ST6GALNAC3: variants seen among roughly 807,000 people sequenced by gnomAD.
ST6GALNAC3 encodes the protein ST6 N-acetylgalactosaminide alpha-2,6-sialyltransferase 3.
Under a neutral mutation model 32.7 loss-of-function variants are expected in ST6GALNAC3, and 25 were observed. The ratio of observed to expected loss-of-function variants is 0.76; its 90% confidence interval spans 0.56 to 1.07. The LOEUF is 1.07. ST6GALNAC3 is among the 50% of genes least tolerant of loss of function. ST6GALNAC3 has a pLI of 0.00. For synonymous variants in ST6GALNAC3, 129 were observed against 133.1 expected, an observed-to-expected ratio of 0.97 and a Z score of 0.21; for missense variants, 355 against 382.4, an observed-to-expected ratio of 0.93 and a Z score of 0.60.
intron 3 of ST6GALNAC3, among the ~76,000 whole-genome samples, chr1:76,565,157 G>C (rs925964631): frequency 6.6e-6 from 1 of 152,084 alleles, no homozygotes; most frequent in African/African-American, 2.4e-5. Context: ...GGCTCCCATT[G>C]GGTCAGCATT....
intron 3 of ST6GALNAC3, among the ~76,000 whole-genome samples, chr1:76,485,678 T>A (rs561361154): frequency 2.0e-5 from 3 of 152,246 alleles, no homozygotes; most frequent in Non-Finnish European, 4.4e-5. Context: ...AACTAGCTCC[T>A]GGATTCATTG....
chr1:76,099,600 C>A (rs1284585766), intron 1 of ST6GALNAC3, among the ~76,000 whole-genome samples: 1 of 152,112 alleles, frequency 6.6e-6, no homozygotes, highest in African/African-American at 2.4e-5. Flanking sequence ...GTGATTCTAT[C>A]TATATGACGT....
intron 1 of ST6GALNAC3, among the ~76,000 whole-genome samples, chr1:76,160,660 C>T (rs1651748378): frequency 6.6e-6 from 1 of 152,128 alleles, no homozygotes; most frequent in Non-Finnish European, 1.5e-5. Flanking sequence ...GGGCTTGCAC[C>T]AGAATATAAA....
At chr1:76,601,833 A>T (rs369408605) in intron 3 of ST6GALNAC3, among the ~76,000 whole-genome samples, 1 of 152,218 alleles carries the variant, frequency 6.6e-6, no homozygotes, top group Non-Finnish European at 1.5e-5. Context: ...AGTGCTGAAC[A>T]TGACCAGTTG....
intron 3 of ST6GALNAC3, among the ~76,000 whole-genome samples, chr1:76,511,650 A>G (rs1661870027): frequency 6.6e-6 from 1 of 152,182 alleles, no homozygotes; most frequent in African/African-American, 2.4e-5. Flanking sequence ...TGTTTGTTAA[A>G]TTCAGCTAAA....
Position 76,412,294 on chromosome 1 carries a change from G to A in ST6GALNAC3, c.500G>A (p.Gly167Asp). ...CGCAATATGAGGAAAGATGGCAATG[G>A]CATCGTTTACAACATGTTGAAAAAG... ...PFRNMRKDGN[G>D]IVYNMLKKTV... is the part of the protein sequence containing the mutation. Residue 167 changes from glycine (G) to aspartate (D), a missense_variant, in exon 3 of 5, where the codon GGC becomes GAC. Gly to Asp is a moderately conservative substitution (Grantham distance 94, BLOSUM62 -1). Transcript: ENST00000328299. 1.2e-6 allele frequency: 2 copies of A among 1,613,498 alleles called. No homozygotes were observed. Among genetic ancestry groups the A allele is most frequent in the Non-Finnish European group, 1.7e-6 (2 of 1,179,766 alleles).
chr1:76,315,403 C>T (rs1017226599), intron 2 of ST6GALNAC3, among the ~76,000 whole-genome samples: 14 of 151,996 alleles, frequency 9.2e-5, no homozygotes, highest in African/African-American at 2.7e-4. Flanking sequence ...TGGGAAATCC[C>T]GTCAAATATC....
intron 3 of ST6GALNAC3, among the ~76,000 whole-genome samples, chr1:76,599,746 G>A (rs916273006): frequency 2.0e-5 from 3 of 151,652 alleles, no homozygotes; most frequent in South Asian, 4.2e-4. Flanking sequence ...GTGTGTGTGT[G>A]TGTGTGTGTG....
At position 76,588,119 on chromosome 1, in the gene ST6GALNAC3, C is replaced by T. The variant is rs185693977; in HGVS notation, c.624-39333C>T. Among the ~76,000 whole-genome samples the T allele has an allele frequency of 2.6e-5, 4 of 152,290 alleles. No homozygotes were observed. The East Asian group carries it at 5.8e-4, about 22-fold the overall frequency. On this transcript the variant is annotated intron_variant, in intron 3 of 4. Transcript: ENST00000328299. Reference sequence around the variant, plus strand: ...AGCCTAGATCCCATTCCTCTTTGTACTGCATATTCCCCTAAAGACATCCTA... The same window carrying T: ...AGCCTAGATCCCATTCCTCTTTGTATTGCATATTCCCCTAAAGACATCCTA...
At chr1:76,506,612 T>G (rs1317043369) in intron 3 of ST6GALNAC3, among the ~76,000 whole-genome samples, 1 of 152,226 alleles carries the variant, frequency 6.6e-6, no homozygotes, top group East Asian at 1.9e-4. Context: ...ATCGACATGC[T>G]TTTCTTTCCA....
At chr1:76,358,074 A>G (rs919908672) in intron 2 of ST6GALNAC3, among the ~76,000 whole-genome samples, 9 of 151,830 alleles carry the variant, frequency 5.9e-5, no homozygotes, top group Admixed American at 3.3e-4. Flanking sequence ...TTAAAAAACC[A>G]TTTTCTCCCC....
intron 2 of ST6GALNAC3, among the ~76,000 whole-genome samples, chr1:76,336,304 G>A (rs1003451532): frequency 5.3e-5 from 8 of 152,178 alleles, no homozygotes; most frequent in Non-Finnish European, 1.0e-4. Context: ...TCTTAGTATT[G>A]TATAGATTTG....
intron 3 of ST6GALNAC3, among the ~76,000 whole-genome samples, chr1:76,542,290 G>GT (rs1664039049): frequency 6.6e-6 from 1 of 152,122 alleles, no homozygotes; most frequent in African/African-American, 2.4e-5. Context: ...AGGGGTACTA[G>GT]TTTTAGAGTC....
chr1:76,425,806 T>A (rs948204636), intron 3 of ST6GALNAC3, among the ~76,000 whole-genome samples: 1 of 151,806 alleles, frequency 6.6e-6, no homozygotes, highest in Non-Finnish European at 1.5e-5. Context: ...CAAAAATAAG[T>A]ATTGTGCCAA....
chr1:76,374,896 C>A (rs1046704126), intron 2 of ST6GALNAC3, among the ~76,000 whole-genome samples: 1 of 146,552 alleles, frequency 6.8e-6, no homozygotes, highest in Admixed American at 6.8e-5. Flanking sequence ...TTAGAAATAA[C>A]CAAAAAATGT....
In ST6GALNAC3 at chr1:76,074,778, G is replaced by T. The variant is rs965900396; in HGVS notation, c.-89G>T. ...CGGGAATGTGGGCTGGAGAGGTCCT[G>T]CCGTGGTACCAGCCTCCAGCCTGCC... On this transcript the variant is annotated 5_prime_UTR_variant, in exon 1 of 5. Coordinates refer to ENST00000328299, the MANE Select transcript of ST6GALNAC3 (RefSeq NM_152996.4). 2.1e-6 allele frequency: 3 copies of T among 1,452,116 alleles called. No homozygotes were observed. Among genetic ancestry groups the T allele is most frequent in the Non-Finnish European group, 2.8e-6 (3 of 1,066,524 alleles). The allele number at this position is 1,452,116 out of a possible 1,614,324, so 90.0% of individuals were successfully genotyped here.
chr1:76,291,130 T>C (rs533047867), intron 1 of ST6GALNAC3, among the ~76,000 whole-genome samples: 101 of 152,340 alleles, frequency 6.6e-4, no homozygotes, highest in Non-Finnish European at 1.3e-3. Context: ...CGCCATAACT[T>C]GAAAATAAAG....
chr1:76,238,614 C>T (rs1656791698), intron 1 of ST6GALNAC3, among the ~76,000 whole-genome samples: 1 of 151,932 alleles, frequency 6.6e-6, no homozygotes, highest in Non-Finnish European at 1.5e-5. Flanking sequence ...CCTCTGTAGA[C>T]AATAGGCAGA....
At chr1:76,217,746 G>C (rs539183376) in intron 1 of ST6GALNAC3, among the ~76,000 whole-genome samples, 30 of 152,082 alleles carry the variant, frequency 2.0e-4, no homozygotes, top group Non-Finnish European at 4.0e-4. Flanking sequence ...TAGCTCCCAC[G>C]TATGAGAGAG....
Sources: gnomAD v4.1 joint callset for allele counts (sites outside exome capture counted in the v4.1 genomes callset) on GRCh38, gnomAD v4.1.1 for gene constraint, MANE v1.5 for transcripts, NCBI Gene and HGNC (gene_info 2026-07-23, HGNC 2026-07-21) for gene names.